ITGA8: variants seen among roughly 807,000 people sequenced by gnomAD.
The protein encoded by ITGA8 is integrin alpha-8.
In ITGA8, 91 loss-of-function variants were observed where a neutral mutation model predicts 142.3. The observed-to-expected ratio is 0.64, with a 90% CI of 0.54 to 0.76. The LOEUF is 0.76. ITGA8 is among the 30% of genes least tolerant of loss of function. ITGA8 has a pLI of 0.00. For synonymous variants in ITGA8, 505 were observed against 485.2 expected (o/e 1.04, Z -0.54); for missense variants, 1,406 against 1,327.7 (o/e 1.06, Z -0.92).
chr10:15,677,501 TA>T, intron 6 of ITGA8, 90 bp downstream of exon 6: 1 of 965,550 alleles, frequency 1.0e-6, no homozygotes, highest in Non-Finnish European at 1.6e-6. Flanking sequence ...AAAATTAAGG[TA>T]ATAGAAAGTA....
rs756231174 is a variant in ITGA8 at position 15,516,861 on chromosome 10, G to A, written c.*297C>T. The A allele has an allele frequency of 4.5e-4, 112 of 248,394 alleles. No homozygotes were observed. Among genetic ancestry groups the A allele is most frequent in the Non-Finnish European group, 7.6e-4 (98 of 128,506 alleles). 15.4% of individuals were successfully genotyped at this position (248,394 alleles called of 1,614,324 possible). ...TGGATTGATCTGGACTGCAACTTACGTTCCCATACGCATTTCAAAGTGTCT... is the reference window on the plus strand; with the variant it reads ...TGGATTGATCTGGACTGCAACTTACATTCCCATACGCATTTCAAAGTGTCT... On this transcript the variant is annotated 3_prime_UTR_variant, in exon 30 of 30. Coordinates refer to ENST00000378076, the MANE Select transcript of ITGA8 (RefSeq NM_003638.3).
chr10:15,520,668 A>T (rs1358497439), intron 28 of ITGA8, among the ~76,000 whole-genome samples: 3 of 152,238 alleles, frequency 2.0e-5, no homozygotes, highest in Admixed American at 2.0e-4. Context: ...CCATGCTGCT[A>T]AAACCTTTTG....
At chr10:15,699,809 C>T (rs986606979) in intron 2 of ITGA8, among the ~76,000 whole-genome samples, 1 of 152,170 alleles carries the variant, frequency 6.6e-6, no homozygotes, top group African/African-American at 2.4e-5. Flanking sequence ...GAGGGATTCT[C>T]AACTTTTGTT....
At position 15,616,578 on chromosome 10, in the gene ITGA8, CA is replaced by C. The variant is rs1442367685; in HGVS notation, c.1400-20del. On this transcript the variant is annotated intron_variant, in intron 13 of 29. Transcript: ENST00000378076. ...ATCAAATCTTAAAAAGACAAAAACA[CA>C]GAACACATGCGTGAATCGTATAGAA... 4 of 1,607,904 alleles carry C rather than the reference CA, an allele frequency of 2.5e-6. No individual in the cohort carries two copies. Among genetic ancestry groups the C allele is most frequent in the Non-Finnish European group, 3.4e-6 (4 of 1,175,810 alleles).
rs1373484240 is a variant in ITGA8 at position 15,687,940 on chromosome 10, C to T, written c.442G>A (p.Val148Met). 3 of 1,602,044 alleles carry T rather than the reference C, an allele frequency of 1.9e-6. No homozygotes were observed. In the African/African-American group the frequency reaches 4.0e-5, roughly 21 times the overall value. The change falls in exon 3 of 30, where the codon GTG becomes ATG. Residue 148 changes from valine (V) to methionine (M), a missense_variant and splice_region_variant. Val to Met is a conservative substitution (Grantham distance 21). Coordinates refer to ENST00000378076, the MANE Select transcript of ITGA8 (RefSeq NM_003638.3). The stretch of plus-strand genomic sequence containing the variant: ...ACAAGCCCACGGCTCATACTCACCA[C>T]AACTTTTCCTTTGTGAGCTTTCACT... The part of the protein sequence containing the change: ...ATVKAHKGKV[V>M]ACAPLYHWRT...
At chr10:15,537,299 C>T (rs1833465388) in intron 27 of ITGA8, among the ~76,000 whole-genome samples, 1 of 152,178 alleles carries the variant, frequency 6.6e-6, no homozygotes, top group Admixed American at 6.5e-5. Flanking sequence ...TATAATAACG[C>T]ATTCCTCTTT....
At chr10:15,527,989 C>T (rs928559636) in intron 28 of ITGA8, among the ~76,000 whole-genome samples, 5 of 139,446 alleles carry the variant, frequency 3.6e-5, no homozygotes, top group Non-Finnish European at 6.0e-5. Flanking sequence ...GATCTCGGCT[C>T]ACTGCAACCT....
At chr10:15,702,663 T>A (rs1183909757) in intron 2 of ITGA8, among the ~76,000 whole-genome samples, 1 of 152,198 alleles carries the variant, frequency 6.6e-6, no homozygotes, top group African/African-American at 2.4e-5. Context: ...GGGTTAACTT[T>A]CTTTCTGTTC....
chr10:15,558,013 T>A (rs1161121686), intron 26 of ITGA8, 61 bp downstream of exon 26: 16 of 1,590,592 alleles, frequency 1.0e-5, no homozygotes, highest in Non-Finnish European at 1.4e-5. Context: ...ACTATCTGTA[T>A]TTGAGGGTTC....
rs77836659 is a variant in ITGA8, at chr10:15,699,633, C to G, written c.344-11595G>C. Among the ~76,000 whole-genome samples, 1,396 of 152,242 alleles carry G rather than the reference C, an allele frequency of 9.2e-3. 19 individuals carry two copies. The highest frequency in any genetic ancestry group is 0.032 in the African/African-American group (1,332 of 41,542). On this transcript the variant is annotated intron_variant, in intron 2 of 29. Transcript: ENST00000378076. ...TCCCACTTCTACTCTGAGCTCTGAA[C>G]ATTCATATATCCACCTCCATGTGCC...
chr10:15,638,504 C>T (rs562845851), intron 13 of ITGA8, among the ~76,000 whole-genome samples: 3 of 152,202 alleles, frequency 2.0e-5, no homozygotes, highest in African/African-American at 7.2e-5. Flanking sequence ...ACACTGCCCA[C>T]TCTTTTAGAC....
chr10:15,662,512 T>C (rs549552936), intron 8 of ITGA8, among the ~76,000 whole-genome samples: 1 of 151,918 alleles, frequency 6.6e-6, no homozygotes, highest in East Asian at 1.9e-4. Flanking sequence ...CTAGTTTTTG[T>C]ATATTTTGTA....
intron 8 of ITGA8, among the ~76,000 whole-genome samples, chr10:15,670,496 G>A (rs776375755): frequency 7.2e-5 from 11 of 152,160 alleles, no homozygotes; most frequent in Non-Finnish European, 2.9e-5. Flanking sequence ...GCTGTTTCCG[G>A]TATGAATCTA....
intron 25 of ITGA8, among the ~76,000 whole-genome samples, chr10:15,564,465 G>A (rs1216197178): frequency 6.6e-6 from 1 of 152,118 alleles, no homozygotes; most frequent in African/African-American, 2.4e-5. Context: ...AGAAGCTGGT[G>A]GTCACCACTA....
intron 22 of ITGA8, among the ~76,000 whole-genome samples, chr10:15,588,870 G>T (rs1832876171): frequency 6.6e-6 from 1 of 152,182 alleles, no homozygotes; most frequent in Non-Finnish European, 1.5e-5. Flanking sequence ...CAAACTCTGA[G>T]TCCAGACCTT....
intron 29 of ITGA8, among the ~76,000 whole-genome samples, chr10:15,519,061 T>G (rs2131529779): frequency 6.6e-6 from 1 of 152,314 alleles, no homozygotes; most frequent in South Asian, 2.1e-4. Flanking sequence ...ACAAGAAATC[T>G]CAAGATGAAA....
At chr10:15,535,010 G>A (rs1409784277) in intron 27 of ITGA8, among the ~76,000 whole-genome samples, 1 of 152,198 alleles carries the variant, frequency 6.6e-6, no homozygotes, top group Non-Finnish European at 1.5e-5. Context: ...AACCTGGGCT[G>A]CGTGCGGTGC....
intron 2 of ITGA8, among the ~76,000 whole-genome samples, chr10:15,711,671 G>A (rs115543565): frequency 0.019 from 2,927 of 151,584 alleles, 105 homozygotes; most frequent in African/African-American, 0.066. Flanking sequence ...AAGATTCCCT[G>A]CTATTACACC....
chr10:15,589,360 T>A (rs951498623), intron 22 of ITGA8, among the ~76,000 whole-genome samples: 2 of 152,168 alleles, frequency 1.3e-5, no homozygotes, highest in African/African-American at 2.4e-5. Flanking sequence ...CAAGACCTGT[T>A]TGTATGTGGC....
Sources: allele counts gnomAD v4.1 joint callset (sites outside exome capture counted in the v4.1 genomes callset), GRCh38; gene constraint gnomAD v4.1.1; transcripts MANE v1.5; gene names NCBI Gene and HGNC (gene_info 2026-07-23, HGNC 2026-07-21).